The following MIS18BP1 variants were observed in gnomAD, a reference collection of about 807,000 sequenced individuals.
MIS18BP1 encodes the protein mis18-binding protein 1.
MIS18BP1 carries 72 observed loss-of-function variants against 116.1 expected under a neutral mutation model. The observed-to-expected ratio is 0.62, with a 90% CI of 0.51 to 0.75. The LOEUF is 0.75. MIS18BP1 is among the 30% of genes least tolerant of loss of function. The probability of loss-of-function intolerance (pLI) is 0.00; values close to 1 mark genes in which losing one functional copy is unlikely to be tolerated. For missense variants in MIS18BP1, 1,363 were observed against 1,303.2 expected (o/e 1.05, Z -0.71); for synonymous variants, 386 against 427.0 (o/e 0.90, Z 1.18).
At chr14:45,214,923 G>T (rs558065074) in intron 13 of MIS18BP1, among the ~76,000 whole-genome samples, 1 of 152,136 alleles carries the variant, frequency 6.6e-6, no homozygotes, top group South Asian at 2.1e-4. Flanking sequence ...GCTAATTTTT[G>T]TATTTTTAGT....
At chr14:45,230,716 C>A (rs1435580155) in intron 8 of MIS18BP1, among the ~76,000 whole-genome samples, 2 of 152,136 alleles carry the variant, frequency 1.3e-5, no homozygotes, top group African/African-American at 4.8e-5. Flanking sequence ...ACCATCTGAG[C>A]TCAAGCGATC....
chr14:45,231,037 C>T (rs1425467161), intron 8 of MIS18BP1, 104 bp downstream of exon 8: 1 of 1,164,148 alleles, frequency 8.6e-7, no homozygotes, highest in Non-Finnish European at 1.2e-6. Flanking sequence ...TCAAAGAATA[C>T]TATACTATAC....
At chr14:45,218,490 T>C (rs757809224) in intron 11 of MIS18BP1, 36 bp from the exon 12 acceptor site, 3 of 1,551,970 alleles carry the variant, frequency 1.9e-6, no homozygotes, top group Admixed American at 2.2e-5. Flanking sequence ...GAATAAGAAA[T>C]TCAAACCAAT....
Position 45,242,467 on chromosome 14 carries a change from C to T in MIS18BP1, c.710G>A (p.Arg237Gln), listed in dbSNP as rs780491734. The T allele has an allele frequency of 3.5e-5, 56 of 1,604,510 alleles. 1 individual carries two copies. The highest frequency in any genetic ancestry group is 1.9e-4 in the Admixed American group (11 of 57,504). Residue 237 changes from arginine (R) to glutamine (Q), a missense_variant, in exon 4 of 17, where the codon CGA becomes CAA. Coordinates refer to ENST00000310806, the MANE Select transcript of MIS18BP1 (RefSeq NM_018353.5). Reference protein sequence around the residue: ...EQENFLAVEARNKTLTRAQLA... With the variant: ...EQENFLAVEAQNKTLTRAQLA... Reference sequence around the variant, plus strand: ...CTGAGCTCTAGTTAATGTCTTGTTTCGGGCTTCTACAGCCAAAAAATTTTC... The same window carrying T: ...CTGAGCTCTAGTTAATGTCTTGTTTTGGGCTTCTACAGCCAAAAAATTTTC...
At chr14:45,225,257 CCTT>C (rs368835411) in intron 10 of MIS18BP1, among the ~76,000 whole-genome samples, 4 of 152,190 alleles carry the variant, frequency 2.6e-5, no homozygotes, top group African/African-American at 9.6e-5. Flanking sequence ...TGAAAGCTCT[CCTT>C]CAAGTTTCCA....
At chr14:45,252,021 A>G (rs1244210526) in intron 1 of MIS18BP1, among the ~76,000 whole-genome samples, 5 of 152,326 alleles carry the variant, frequency 3.3e-5, no homozygotes, top group African/African-American at 1.2e-4. Context: ...TCTAACAGCA[A>G]CTCTAAAGAG....
rs192646951 is a variant in MIS18BP1 at position 45,213,780 on chromosome 14, A to G, written c.3003+3239T>C. ...TGTGTCTATGCAGAGAGAAGTAGAC[A>G]TAAGAGATTTCATTTTGTTCTGTAC... On this transcript the variant is annotated intron_variant, in intron 13 of 16. Coordinates refer to ENST00000310806, the MANE Select transcript of MIS18BP1 (RefSeq NM_018353.5). Among the ~76,000 whole-genome samples the G allele has an allele frequency of 2.9e-3, 442 of 152,356 alleles. 5 individuals carry two copies. The highest frequency in any genetic ancestry group is 0.021 in the Admixed American group (316 of 15,304).
At position 45,242,860 on chromosome 14, in the gene MIS18BP1, C is replaced by A; in HGVS notation, c.559G>T (p.Val187Phe). The change falls in exon 3 of 17, where the codon GTT becomes TTT. Residue 187 changes from valine to phenylalanine, a missense_variant. Coordinates refer to ENST00000310806, the MANE Select transcript of MIS18BP1 (RefSeq NM_018353.5). ...TCATTATTTGATGATTCTAGAGGAA[C>A]TCCTTGGACTGAGGCTAAGGTTTTA... is the stretch of plus-strand genomic sequence containing the variant. ...DSSLRASVQG[V>F]PLESSNNDIF... 1 of 1,603,720 alleles carries A rather than the reference C, an allele frequency of 6.2e-7. No homozygotes were observed. Among genetic ancestry groups the A allele is most frequent in the Non-Finnish European group, 8.5e-7 (1 of 1,175,070 alleles).
At chr14:45,224,818 T>C (rs768532797) in intron 10 of MIS18BP1, 72 bp from the exon 11 acceptor site, 25 of 1,099,990 alleles carry the variant, frequency 2.3e-5, no homozygotes, top group Middle Eastern at 2.8e-4. Context: ...GCACAGAAAA[T>C]ATATTTTCAC....
intron 15 of MIS18BP1, among the ~76,000 whole-genome samples, chr14:45,205,632 T>TA (rs1890493758): frequency 6.6e-6 from 1 of 152,044 alleles, no homozygotes; most frequent in Non-Finnish European, 1.5e-5. Context: ...AAATAAAAAG[T>TA]AAAAAAATAA....
chr14:45,252,521 A>G (rs1481541057), intron 1 of MIS18BP1, among the ~76,000 whole-genome samples: 1 of 152,184 alleles, frequency 6.6e-6, no homozygotes, highest in East Asian at 1.9e-4. Context: ...CATTTTCTTG[A>G]ACTCCTGAGC....
intron 11 of MIS18BP1, 83 bp from the exon 12 acceptor site, chr14:45,218,537 G>A: frequency 1.7e-6 from 2 of 1,184,872 alleles, no homozygotes; most frequent in African/African-American, 1.6e-5. Flanking sequence ...CTGAATTGAT[G>A]AGATTTACTG....
In MIS18BP1 at chr14:45,246,962, C is replaced by T. The variant is rs368740646; in HGVS notation, c.325G>A (p.Glu109Lys). ...KDGLKNKANY[E>K]SPGKIFLRMK... ...CTTAGAAATATTTTTCCTGGTGATT[C>T]ATAGTTTGCTTTATTTTTTAATCCA... The change falls in exon 2 of 17, where the codon GAA becomes AAA. Residue 109 changes from glutamate to lysine, a missense_variant. Coordinates refer to ENST00000310806, the MANE Select transcript of MIS18BP1 (RefSeq NM_018353.5). 3.1e-6 allele frequency: 5 copies of T among 1,607,906 alleles called. No homozygotes were observed. Among genetic ancestry groups the T allele is most frequent in the East Asian group, 2.2e-5 (1 of 44,806 alleles).
chr14:45,237,534 C>T (rs1322242960), intron 5 of MIS18BP1, 114 bp downstream of exon 5: 1 of 1,308,608 alleles, frequency 7.6e-7, no homozygotes, highest in Non-Finnish European at 1.0e-6. Flanking sequence ...GCCTTCAGTT[C>T]ATAACCTTGT....
intron 8 of MIS18BP1, among the ~76,000 whole-genome samples, chr14:45,228,818 C>T (rs915397000): frequency 3.3e-5 from 5 of 152,110 alleles, no homozygotes; most frequent in African/African-American, 1.2e-4. Context: ...AAGAGCAATA[C>T]TATGATACAC....
At chr14:45,231,974 C>T (rs1381091354) in intron 7 of MIS18BP1, among the ~76,000 whole-genome samples, 1 of 152,094 alleles carries the variant, frequency 6.6e-6, no homozygotes. Flanking sequence ...TATTTAATAA[C>T]TGCATGCCTT....
chr14:45,227,805 C>T lies in MIS18BP1; in HGVS notation c.1604G>A (p.Ser535Asn). The T allele has an allele frequency of 6.2e-7, 1 of 1,613,508 alleles. No individual in the cohort carries two copies. The highest frequency in any genetic ancestry group is 8.5e-7 in the Non-Finnish European group (1 of 1,179,652). The change falls in exon 9 of 17, where the codon AGT becomes AAT. Residue 535 changes from serine (S) to asparagine (N), a missense_variant. Ser to Asn is a conservative substitution (Grantham distance 46, BLOSUM62 1). Transcript: ENST00000310806. ...DFDCDNLELK[S>N]NKHSESPGAT... ...TCCTGGTGACTCACTGTGCTTATTA[C>T]TCTTCAGTTCTATGAATACAAAGAT...
chr14:45,217,086 T>C lies in MIS18BP1; in HGVS notation c.2936A>G (p.Glu979Gly), dbSNP rs868467285. ...ATCATGGTCATCTTTTGGCAACTGT[T>C]CCAGAAATTCCCTCATCTGTTGCTT... ...KRKQQMREFL[E>G]QLPKDDHDDF... The change falls in exon 13 of 17, where the codon GAA becomes GGA. Residue 979 changes from glutamate to glycine, a missense_variant. By Grantham distance (98) the Glu-to-Gly change is moderately conservative (BLOSUM62 -2). Coordinates refer to ENST00000310806, the MANE Select transcript of MIS18BP1 (RefSeq NM_018353.5). 2 of 1,614,144 alleles carry C rather than the reference T, an allele frequency of 1.2e-6. No individual in the cohort carries two copies. The highest frequency in any genetic ancestry group is 1.7e-4 in the Middle Eastern group (1 of 6,060).
intron 11 of MIS18BP1, among the ~76,000 whole-genome samples, chr14:45,219,693 C>G (rs558957435): frequency 3.5e-4 from 53 of 152,238 alleles, no homozygotes; most frequent in Non-Finnish European, 5.7e-4. Flanking sequence ...AAGCATAATA[C>G]TTATGAGCAT....
Sources: gnomAD v4.1 joint callset for allele counts (sites outside exome capture counted in the v4.1 genomes callset) on GRCh38, gnomAD v4.1.1 for gene constraint, MANE v1.5 for transcripts, NCBI Gene and HGNC (gene_info 2026-07-23, HGNC 2026-07-21) for gene names.